HS6ST2: variants seen among roughly 807,000 people sequenced by gnomAD.
The protein encoded by HS6ST2 is heparan-sulfate 6-O-sulfotransferase 2.
HS6ST2 carries 17 observed loss-of-function variants against 33.0 expected under a neutral mutation model. That is an observed-to-expected ratio of 0.52 (90% CI 0.35 to 0.77). The LOEUF (loss-of-function observed/expected upper bound fraction) is 0.77. Among genes scored for constraint, HS6ST2 ranks in the 30% least tolerant of loss-of-function variants. The pLI is 0.01. For synonymous variants in HS6ST2, 248 were observed against 237.1 expected, an observed-to-expected ratio of 1.05 and a Z score of -0.42; for missense variants, 519 against 551.7, an observed-to-expected ratio of 0.94 and a Z score of 0.59.
At chrX:132,957,851 G>GGCGCCC (rs1178287702) in intron 1 of HS6ST2, among the ~76,000 whole-genome samples, 1 of 111,992 alleles carries the variant, frequency 8.9e-6, no homozygotes, top group Non-Finnish European at 1.9e-5. Flanking sequence ...TCCTTTTGCC[G>GGCGCCC]GCGCCCGCGC....
intron 2 of HS6ST2, among the ~76,000 whole-genome samples, chrX:132,895,418 ACTTCT>A (rs981181748): frequency 2.7e-5 from 3 of 111,474 alleles, no homozygotes; most frequent in Non-Finnish European, 5.6e-5. Context: ...TGTCATGTAT[ACTTCT>A]CTTCTATAAG....
chrX:132,662,162 T>C (rs1284629878), intron 4 of HS6ST2, among the ~76,000 whole-genome samples: 2 of 109,872 alleles, frequency 1.8e-5, no homozygotes, highest in East Asian at 2.8e-4. Flanking sequence ...TTCAAGAAAG[T>C]TGCCAAGGTA....
intron 2 of HS6ST2, among the ~76,000 whole-genome samples, chrX:132,763,517 C>G (rs1008513783): frequency 8.9e-6 from 1 of 112,150 alleles, no homozygotes; most frequent in Non-Finnish European, 1.9e-5. Context: ...CTCTCTGCAC[C>G]GAGCTGGGCT....
chrX:132,794,056 G>A (rs1274255952), intron 2 of HS6ST2, among the ~76,000 whole-genome samples: 2 of 112,890 alleles, frequency 1.8e-5, no homozygotes, highest in Non-Finnish European at 3.7e-5. Flanking sequence ...GCGTGCATAC[G>A]CTGTGAGTAG....
intron 2 of HS6ST2, among the ~76,000 whole-genome samples, chrX:132,782,144 T>C (rs1410975987): frequency 1.8e-5 from 2 of 112,001 alleles, no homozygotes; most frequent in African/African-American, 6.5e-5. Flanking sequence ...TCTCAGGACA[T>C]TTAATATGCT....
intron 2 of HS6ST2, among the ~76,000 whole-genome samples, chrX:132,729,663 A>AT (rs912419120): frequency 2.0e-4 from 22 of 110,619 alleles, no homozygotes; most frequent in Non-Finnish European, 2.7e-4. Context: ...CCACTCAGTT[A>AT]TTTTTTTTTA....
chrX:132,942,717 C>T (rs1405254803), intron 2 of HS6ST2, among the ~76,000 whole-genome samples: 2 of 111,878 alleles, frequency 1.8e-5, no homozygotes, highest in African/African-American at 6.5e-5. Context: ...TTTATATTAC[C>T]CTCCAAAGGC....
chrX:132,899,487 A>G (rs2066408101), intron 2 of HS6ST2, among the ~76,000 whole-genome samples: 1 of 111,560 alleles, frequency 9.0e-6, no homozygotes, highest in Non-Finnish European at 1.9e-5. Flanking sequence ...AACATACAGT[A>G]TCTGTAATGA....
chrX:132,766,827 G>A (rs1178321461), intron 2 of HS6ST2, among the ~76,000 whole-genome samples: 3 of 111,932 alleles, frequency 2.7e-5, no homozygotes, highest in Non-Finnish European at 5.6e-5. Context: ...ATGTTCCAGT[G>A]AATGGTTGAG....
chrX:132,866,931 A>G (rs2065991576), intron 2 of HS6ST2, among the ~76,000 whole-genome samples: 1 of 104,960 alleles, frequency 9.5e-6, no homozygotes, highest in African/African-American at 3.5e-5. Context: ...GCAAACAGGG[A>G]CAATTTGACT....
intron 2 of HS6ST2, among the ~76,000 whole-genome samples, chrX:132,902,291 C>T (rs56338497): frequency 9.0e-6 from 1 of 110,961 alleles, no homozygotes; most frequent in Non-Finnish European, 1.9e-5. Context: ...TTGGTAGAGG[C>T]GGGGTTTCAC....
chrX:132,950,008 A>T (rs2066995544), intron 2 of HS6ST2, among the ~76,000 whole-genome samples: 1 of 111,853 alleles, frequency 8.9e-6, no homozygotes. Flanking sequence ...TAATCTTTCA[A>T]GTGGATGTAC....
intron 2 of HS6ST2, among the ~76,000 whole-genome samples, chrX:132,900,087 C>A (rs1357070506): frequency 8.9e-6 from 1 of 111,929 alleles, no homozygotes; most frequent in East Asian, 2.8e-4. Context: ...TTATAAGTTG[C>A]TGCATTTTCT....
intron 4 of HS6ST2, among the ~76,000 whole-genome samples, chrX:132,655,643 G>C (rs1349128263): frequency 9.0e-6 from 1 of 111,124 alleles, no homozygotes; most frequent in Non-Finnish European, 1.9e-5. Context: ...GTATGGAAAA[G>C]CAGACATTTT....
intron 2 of HS6ST2, among the ~76,000 whole-genome samples, chrX:132,718,614 T>C (rs1453412944): frequency 7.2e-5 from 8 of 111,229 alleles, no homozygotes. Context: ...CAGCACACTC[T>C]GAAGTGCTTC....
At chrX:132,677,085 T>C (rs2063928805) in intron 3 of HS6ST2, among the ~76,000 whole-genome samples, 1 of 112,211 alleles carries the variant, frequency 8.9e-6, no homozygotes, top group African/African-American at 3.2e-5. Context: ...CTGAAAATGA[T>C]CCGGCATAAT....
intron 2 of HS6ST2, among the ~76,000 whole-genome samples, chrX:132,785,985 C>T (rs1012178822): frequency 3.6e-5 from 4 of 111,420 alleles, no homozygotes; most frequent in Admixed American, 9.6e-5. Flanking sequence ...AGGTCTACAG[C>T]ACCACTAATG....
chrX:132,835,642 C>T (rs2065634281), intron 2 of HS6ST2, among the ~76,000 whole-genome samples: 1 of 112,437 alleles, frequency 8.9e-6, no homozygotes, highest in Non-Finnish European at 1.9e-5. Flanking sequence ...CTGTTATAAA[C>T]ATTTTAGGCC....
chrX:132,797,965 A>G (rs1469462966), intron 2 of HS6ST2, among the ~76,000 whole-genome samples: 2 of 102,293 alleles, frequency 2.0e-5, no homozygotes, highest in Admixed American at 1.1e-4. Flanking sequence ...GTGAGCCCAG[A>G]TCGCGCCTCT....
Sources: gnomAD v4.1 joint callset for allele counts (sites outside exome capture counted in the v4.1 genomes callset) on GRCh38, gnomAD v4.1.1 for gene constraint, MANE v1.5 for transcripts, NCBI Gene and HGNC (gene_info 2026-07-23, HGNC 2026-07-21) for gene names.